UGT2B17: variants seen among roughly 807,000 people sequenced by gnomAD.
UGT2B17 encodes the protein UDP glucuronosyltransferase family 2 member B17, also known as UDP-glucuronosyltransferase 2B17.
UGT2B17 carries 21 observed loss-of-function variants against 48.2 expected under a neutral mutation model. The ratio of observed to expected loss-of-function variants is 0.44; its 90% CI spans 0.31 to 0.63. UGT2B17 has a LOEUF of 0.63. UGT2B17 is among the 20% of genes least tolerant of loss of function. UGT2B17 has a pLI of 0.08. For missense variants in UGT2B17, 402 were observed against 696.1 expected (o/e 0.58, Z 4.75); for synonymous variants, 146 against 238.4 (o/e 0.61, Z 3.57).
intron 1 of UGT2B17, among the ~76,000 whole-genome samples, chr4:68,574,589 C>T (rs1437331958): frequency 7.9e-6 from 1 of 126,740 alleles, no homozygotes; most frequent in African/African-American, 2.7e-5. Context: ...CATTTTAAAA[C>T]TTGCTTGAAC....
At chr4:68,550,561 G>T in intron 6 of UGT2B17, 116 bp downstream of exon 6, 4 of 802,186 alleles carry the variant, frequency 5.0e-6, no homozygotes, top group Non-Finnish European at 6.8e-6. Flanking sequence ...ATTTTACATT[G>T]GTTAAATCAC....
intron 6 of UGT2B17, 86 bp downstream of exon 6, chr4:68,550,591 G>A: frequency 9.8e-7 from 1 of 1,015,772 alleles, no homozygotes; most frequent in African/African-American, 1.6e-5. Context: ...TTCAAAATTA[G>A]TCTCTTAACA....
At chr4:68,553,079 C>T (rs2109767231) in intron 4 of UGT2B17, among the ~76,000 whole-genome samples, 1 of 125,494 alleles carries the variant, frequency 8.0e-6, no homozygotes, top group South Asian at 3.8e-4. Context: ...ACTAGCTGGA[C>T]TTAATTTCTC....
At chr4:68,562,203 C>A (rs1159775276) in intron 3 of UGT2B17, among the ~76,000 whole-genome samples, 1 of 124,222 alleles carries the variant, frequency 8.1e-6, no homozygotes, top group Non-Finnish European at 1.7e-5. Context: ...GCGACCTCTG[C>A]CTCCCAGGTT....
chr4:68,541,209 T>C (rs1213809057), intron 6 of UGT2B17, among the ~76,000 whole-genome samples: 1 of 126,130 alleles, frequency 7.9e-6, no homozygotes, highest in African/African-American at 2.7e-5. Context: ...TCTAGATCTT[T>C]GAGGAATCAC....
At position 68,567,975 on chromosome 4, in the gene UGT2B17, C is replaced by T. The variant is rs1403568747; in HGVS notation, c.510G>A (p.Leu170=). ...LLAELLNIPF[L]YSLRFSVGYT... is the part of the protein sequence containing the mutation. ...AGCCAACAGAGAAGCGGAGACTGTA[C>T]AGAAAGGGTATGTTAAGTAGCTCAG... Residue 170 remains leucine, a synonymous_variant, in exon 2 of 7, where the codon CTG becomes CTA. Coordinates refer to ENST00000317746, the MANE Select transcript of UGT2B17 (RefSeq NM_001077.4). The T allele has an allele frequency of 2.2e-6, 3 of 1,382,020 alleles. 1 individual carries two copies. The highest frequency in any genetic ancestry group is 2.0e-5 in the Admixed American group (1 of 50,324). 85.6% of individuals were successfully genotyped at this position (1,382,020 alleles called of 1,614,324 possible). A position where few individuals can be genotyped will look rare whatever the true frequency, so the allele number is the denominator to read the frequency against.
intron 6 of UGT2B17, among the ~76,000 whole-genome samples, chr4:68,547,702 C>A (rs2109763405): frequency 9.2e-6 from 1 of 108,174 alleles, no homozygotes; most frequent in South Asian, 5.1e-4. Context: ...TATCCAGAAT[C>A]TACAATGAAC....
intron 6 of UGT2B17, among the ~76,000 whole-genome samples, chr4:68,541,791 G>T (rs1730661989): frequency 7.9e-6 from 1 of 126,988 alleles, no homozygotes; most frequent in Non-Finnish European, 1.7e-5. Flanking sequence ...TTACATTTAA[G>T]TCTTTAATCC....
chr4:68,557,800 T>C (rs1731029000), intron 4 of UGT2B17, among the ~76,000 whole-genome samples: 1 of 125,776 alleles, frequency 8.0e-6, no homozygotes, highest in Non-Finnish European at 1.7e-5. Flanking sequence ...GGCTTTCCTT[T>C]AGGGAATCAA....
rs1730833732 is a variant in UGT2B17 at position 68,547,348 on chromosome 4, G to T, written c.1313+3329C>A. On this transcript the variant is annotated intron_variant, in intron 6 of 6. Transcript: ENST00000317746. ...GAAAGGATTCCCTATTTAATAAATG[G>T]TGCTAGGAAAACTGGCTAGCCATAT... Among the ~76,000 whole-genome samples, 2 of 126,360 alleles carry T rather than the reference G, an allele frequency of 1.6e-5. 1 individual carries two copies. Among genetic ancestry groups the T allele is most frequent in the Non-Finnish European group, 3.4e-5 (2 of 59,632 alleles). The allele number at this position is 126,360 out of a possible 152,430, so 82.9% of individuals were successfully genotyped here.
rs528982269 is a variant in UGT2B17 at position 68,567,174 on chromosome 4, A to T, written c.724+587T>A. 3.6e-4 allele frequency among the ~76,000 whole-genome samples: 45 copies of T among 126,206 alleles called. 15 individuals carry two copies. The South Asian group carries it at 9.5e-3, about 27-fold the overall frequency. 82.8% of individuals were successfully genotyped at this position (126,206 alleles called of 152,430 possible). On this transcript the variant is annotated intron_variant, in intron 2 of 6. Coordinates refer to ENST00000317746, the MANE Select transcript of UGT2B17 (RefSeq NM_001077.4). Reference sequence around the variant, plus strand: ...AAAACTTAGATGTTCACTTTCAACAAGATTTCAGTTTTTGAAGGAAATAAT... The same window carrying T: ...AAAACTTAGATGTTCACTTTCAACATGATTTCAGTTTTTGAAGGAAATAAT...
Position 68,548,318 on chromosome 4 carries a change from C to T in UGT2B17, c.1313+2359G>A, listed in dbSNP as rs572924389. 1.2e-4 allele frequency among the ~76,000 whole-genome samples: 15 copies of T among 125,134 alleles called. 1 individual carries two copies. The highest frequency in any genetic ancestry group is 3.8e-4 in the South Asian group (1 of 2,624). 82.1% of individuals were successfully genotyped at this position (125,134 alleles called of 152,430 possible). A position where few individuals can be genotyped will look rare whatever the true frequency, so the allele number is the denominator to read the frequency against. Reference sequence around the variant, plus strand: ...GAAACCATCATTCCCAGCAAACTATCGCAAGGACAAAAAACCAAACACCGC... The same window carrying T: ...GAAACCATCATTCCCAGCAAACTATTGCAAGGACAAAAAACCAAACACCGC... On this transcript the variant is annotated intron_variant, in intron 6 of 6. Transcript: ENST00000317746.
chr4:68,542,800 C>T lies in UGT2B17; in HGVS notation c.1314-4896G>A, dbSNP rs1197056751. On this transcript the variant is annotated intron_variant, in intron 6 of 6. Coordinates refer to ENST00000317746, the MANE Select transcript of UGT2B17 (RefSeq NM_001077.4). Reference sequence around the variant, plus strand: ...CGGCACACCAGGAGATTATATCGCGCACCTGGCTCAGAGGGTCCTACGCCC... The same window carrying T: ...CGGCACACCAGGAGATTATATCGCGTACCTGGCTCAGAGGGTCCTACGCCC... Among the ~76,000 whole-genome samples the T allele has an allele frequency of 3.9e-5, 5 of 127,218 alleles. 1 individual carries two copies. The highest frequency in any genetic ancestry group is 5.4e-5 in the African/African-American group (2 of 37,204). 83.5% of individuals were successfully genotyped at this position (127,218 alleles called of 152,430 possible). A position where few individuals can be genotyped will look rare whatever the true frequency, so the allele number is the denominator to read the frequency against.
Position 68,559,861 on chromosome 4 carries a change from C to T in UGT2B17, c.1005+676G>A, listed in dbSNP as rs1225586556. On this transcript the variant is annotated intron_variant, in intron 4 of 6. Coordinates refer to ENST00000317746, the MANE Select transcript of UGT2B17 (RefSeq NM_001077.4). ...CTAAAAGCAGGATTCTATCTCCATCCTTTCCATTACATTTTTCTGCTTAAG... is the reference window on the plus strand; with the variant it reads ...CTAAAAGCAGGATTCTATCTCCATCTTTTCCATTACATTTTTCTGCTTAAG... 3.2e-5 allele frequency among the ~76,000 whole-genome samples: 4 copies of T among 125,266 alleles called. 1 individual carries two copies. Among genetic ancestry groups the T allele is most frequent in the African/African-American group, 1.1e-4 (4 of 36,410 alleles). 82.2% of individuals were successfully genotyped at this position (125,266 alleles called of 152,430 possible).
Position 68,537,805 on chromosome 4 carries a change from A to G in UGT2B17, c.1413T>C (p.His471=), listed in dbSNP as rs368915942. The G allele has an allele frequency of 3.6e-6, 5 of 1,379,940 alleles. 2 individuals carry two copies. The highest frequency in any genetic ancestry group is 4.7e-6 in the Non-Finnish European group (5 of 1,055,132). The allele number at this position is 1,379,940 out of a possible 1,614,324, so 85.5% of individuals were successfully genotyped here. The change falls in exon 7 of 7, where the codon CAT becomes CAC. Residue 471 remains histidine (H), a synonymous_variant. Coordinates refer to ENST00000317746, the MANE Select transcript of UGT2B17 (RefSeq NM_001077.4). ...AVFWIEFVMR[H]KGAKHLRVAA... ...CGACCCGAAGGTGCTTGGCTCCTTT[A>G]TGGCGCATGACAAACTCAATCCAGA...
rs1310784880 is a variant in UGT2B17, at chr4:68,546,235, G to A, written c.1313+4442C>T. 7.9e-5 allele frequency among the ~76,000 whole-genome samples: 10 copies of A among 125,984 alleles called. 2 individuals carry two copies. Among genetic ancestry groups the A allele is most frequent in the African/African-American group, 2.7e-4 (10 of 36,850 alleles). 82.7% of individuals were successfully genotyped at this position (125,984 alleles called of 152,430 possible). On this transcript the variant is annotated intron_variant, in intron 6 of 6. Coordinates refer to ENST00000317746, the MANE Select transcript of UGT2B17 (RefSeq NM_001077.4). ...CAAAAAGCTTATCCACCTTGACCAA[G>A]TGGGCTTCATCCCTGGGATGCAAGG...
At position 68,545,122 on chromosome 4, in the gene UGT2B17, T is replaced by A. The variant is rs188123430; in HGVS notation, c.1313+5555A>T. Among the ~76,000 whole-genome samples, 77 of 126,124 alleles carry A rather than the reference T, an allele frequency of 6.1e-4. 19 individuals are homozygous for A. The highest frequency in any genetic ancestry group is 2.0e-3 in the African/African-American group (74 of 36,976). 82.7% of individuals were successfully genotyped at this position (126,124 alleles called of 152,430 possible). On this transcript the variant is annotated intron_variant, in intron 6 of 6. Coordinates refer to ENST00000317746, the MANE Select transcript of UGT2B17 (RefSeq NM_001077.4). ...GCACCCCAAATCAACAGAATGTACA[T>A]TCTTTTCAGCACCACACCACACCAA...
At chr4:68,569,232 C>G (rs1417864142) in intron 1 of UGT2B17, among the ~76,000 whole-genome samples, 3 of 128,670 alleles carry the variant, frequency 2.3e-5, no homozygotes, top group Non-Finnish European at 5.0e-5. Flanking sequence ...CACACACCCT[C>G]TGCAGGAAGC....
chr4:68,567,581 G>T (rs1470324865), intron 2 of UGT2B17, among the ~76,000 whole-genome samples, 180 bp downstream of exon 2: 2 of 124,646 alleles, frequency 1.6e-5, no homozygotes, highest in African/African-American at 5.5e-5. Context: ...TGGCACCAGG[G>T]TTCTAACTGA....
Sources: gnomAD v4.1 joint callset for allele counts (sites outside exome capture counted in the v4.1 genomes callset) on GRCh38, gnomAD v4.1.1 for gene constraint, MANE v1.5 for transcripts, NCBI Gene and HGNC (gene_info 2026-07-23, HGNC 2026-07-21) for gene names.